RYR1: variants seen among roughly 807,000 people sequenced by gnomAD.
RYR1 encodes ryanodine receptor 1, also known as central core disease of muscle.
RYR1 carries 342 observed loss-of-function variants against 583.5 expected under a neutral mutation model. That is an observed-to-expected ratio of 0.59 (90% confidence interval 0.54 to 0.64). The LOEUF (loss-of-function observed/expected upper bound fraction) is 0.64. Among genes scored for constraint, RYR1 ranks in the 30% least tolerant of loss-of-function variants. RYR1 has a pLI of 0.00. For missense variants in RYR1, 6,032 were observed against 6,917.2 expected, an observed-to-expected ratio of 0.87 and a Z score of 4.54; for synonymous variants, 2,791 against 2,822.5, an observed-to-expected ratio of 0.99 and a Z score of 0.35.
chr19:38,501,032 C>T, intron 47 of RYR1, 42 bp downstream of exon 47: 1 of 1,599,290 alleles, frequency 6.3e-7, no homozygotes, highest in Non-Finnish European at 8.5e-7. Flanking sequence ...CCCACTTCCA[C>T]AGAGGGACAG....
At position 38,504,886 on chromosome 19, in the gene RYR1, G is replaced by A. The variant is rs867506234; in HGVS notation, c.8206G>A (p.Asp2736Asn). Residue 2736 changes from aspartate to asparagine, a missense_variant, in exon 51 of 106, where the codon GAT (aspartate) becomes AAT (asparagine). Transcript: ENST00000359596. ...CACAGTGGATGCTGAAGGCAACTTT[G>A]ATCCCCGGCCTGTGGAGACCCTCAA... ...KATVDAEGNF[D>N]PRPVETLNVI... The A allele has an allele frequency of 6.2e-7, 1 of 1,614,172 alleles. No homozygotes were observed. Among genetic ancestry groups the A allele is most frequent in the Non-Finnish European group, 8.5e-7 (1 of 1,180,024 alleles).
chr19:38,500,091 G>C lies in RYR1; in HGVS notation c.7323+75G>C. 1.0e-5 allele frequency: 13 copies of C among 1,293,716 alleles called. No individual in the cohort carries two copies. Among genetic ancestry groups the C allele is most frequent in the Non-Finnish European group, 1.3e-5 (12 of 900,390 alleles). 80.1% of individuals were successfully genotyped at this position (1,293,716 alleles called of 1,614,324 possible). ...CTTTGAACGCCTCATGCAGGCACTC[G>C]GTGACACGGAGTGAGCTCCCATATG... On this transcript the variant is annotated intron_variant, in intron 45 of 105. Coordinates refer to ENST00000359596, the MANE Select transcript of RYR1 (RefSeq NM_000540.3). The surrounding 1 kb of genome is among the most constrained non-coding windows in gnomAD (Gnocchi z 5.9).
At chr19:38,443,509 G>A (rs753278847) in intron 3 of RYR1, 49 bp from the exon 4 acceptor site, 1 of 1,553,138 alleles carries the variant, frequency 6.4e-7, no homozygotes. Flanking sequence ...TTGGGGATCT[G>A]GAGAGTCCGG....
At chr19:38,559,383 A>T (rs1168487104) in intron 89 of RYR1, among the ~76,000 whole-genome samples, 1 of 151,698 alleles carries the variant, frequency 6.6e-6, no homozygotes, top group Non-Finnish European at 1.5e-5. Flanking sequence ...ACAGGCACGC[A>T]CCATCATGCC....
chr19:38,535,482 T>C (rs903681150), intron 81 of RYR1, 90 bp downstream of exon 81: 1 of 985,924 alleles, frequency 1.0e-6, no homozygotes, highest in Non-Finnish European at 1.6e-6. Flanking sequence ...GATTCTGCTC[T>C]TTCAGTCCAG....
chr19:38,435,138 G>A (rs377340545), intron 1 of RYR1, among the ~76,000 whole-genome samples: 7 of 152,332 alleles, frequency 4.6e-5, no homozygotes, highest in African/African-American at 1.7e-4. Context: ...TGCCTCCTGA[G>A]ACATCTAATT....
chr19:38,554,355 G>A (rs868606735), intron 89 of RYR1, among the ~76,000 whole-genome samples: 2 of 142,786 alleles, frequency 1.4e-5, no homozygotes, highest in African/African-American at 5.3e-5. Context: ...GGGAGGCTGA[G>A]GCAGAGAATT....
At chr19:38,492,458 A>G in intron 37 of RYR1, 32 bp from the exon 38 acceptor site, 1 of 1,613,676 alleles carries the variant, frequency 6.2e-7, no homozygotes, top group Non-Finnish European at 8.5e-7. Flanking sequence ...AAACTAATGA[A>G]TGACATTTCC....
chr19:38,457,381 C>A, intron 16 of RYR1, 116 bp from the exon 17 acceptor site: 2 of 1,459,974 alleles, frequency 1.4e-6, no homozygotes, highest in Non-Finnish European at 9.6e-7. Context: ...GTCAAAATTG[C>A]CACATCTTAT....
intron 78 of RYR1, among the ~76,000 whole-genome samples, chr19:38,533,339 C>T (rs888396377): frequency 1.3e-5 from 2 of 152,144 alleles, no homozygotes; most frequent in Non-Finnish European, 2.9e-5. Context: ...TGTTTCTGTG[C>T]CAGAGTCCCT....
chr19:38,569,004 C>T (rs1290627357), intron 93 of RYR1, among the ~76,000 whole-genome samples: 1 of 151,644 alleles, frequency 6.6e-6, no homozygotes, highest in Non-Finnish European at 1.5e-5. Flanking sequence ...ATCCCTGTCT[C>T]TACAAAAGAA....
rs780086468 is a variant in RYR1 at position 38,523,208 on chromosome 19, C to T, written c.10348-9C>T. The T allele has an allele frequency of 6.2e-7, 1 of 1,614,122 alleles. No homozygotes were observed. Among genetic ancestry groups the T allele is most frequent in the African/African-American group, 1.3e-5 (1 of 74,948 alleles). Reference sequence around the variant, plus strand: ...CCTGTCCGGTCTGCAACACTGCTTCCCCCACCAGAACTTCAAGCGCGAGGA... The same window carrying T: ...CCTGTCCGGTCTGCAACACTGCTTCTCCCACCAGAACTTCAAGCGCGAGGA... On this transcript the variant is annotated splice_polypyrimidine_tract_variant and intron_variant, in intron 68 of 105. Coordinates refer to ENST00000359596, the MANE Select transcript of RYR1 (RefSeq NM_000540.3).
chr19:38,537,688 G>A (rs1175414432), intron 83 of RYR1, among the ~76,000 whole-genome samples, 192 bp from the exon 84 acceptor site: 1 of 152,154 alleles, frequency 6.6e-6, no homozygotes, highest in Non-Finnish European at 1.5e-5. Flanking sequence ...GATGTCATGG[G>A]CTCTGAGGTC....
In RYR1 at chr19:38,483,621, T is replaced by A; in HGVS notation, c.4934+105T>A. 1 of 1,022,580 alleles carries A rather than the reference T, an allele frequency of 9.8e-7. No homozygotes were observed. 63.3% of individuals were successfully genotyped at this position (1,022,580 alleles called of 1,614,324 possible). A position where few individuals can be genotyped will look rare whatever the true frequency, so the allele number is the denominator to read the frequency against. ...TCAACACAACCCCGGGATTCCAGAC[T>A]ACACCCCAGGAATCTCCAGACCTAC... On this transcript the variant is annotated intron_variant, in intron 33 of 105. Transcript: ENST00000359596. This position sits in a 1 kb window ranked among gnomAD's most constrained non-coding sequence, Gnocchi z 6.3.
rs1568478073 is a variant in RYR1 at position 38,480,452 on chromosome 19, CT to C, written c.4620+1857del. On this transcript the variant is annotated intron_variant, in intron 31 of 105. Transcript: ENST00000359596. Reference sequence around the variant, plus strand: ...AGCCACTGCGCCTGGCTTGTTTCATCTTTTTATATCTACTTCCCTTCCACAC... The same window carrying C: ...AGCCACTGCGCCTGGCTTGTTTCATCTTTTATATCTACTTCCCTTCCACAC... Among the ~76,000 whole-genome samples the C allele has an allele frequency of 4.6e-5, 7 of 152,196 alleles. No homozygotes were observed. The South Asian group carries it at 1.5e-3, about 32-fold the overall frequency.
chr19:38,553,515 A>G (rs1325509310), intron 89 of RYR1, among the ~76,000 whole-genome samples: 1 of 151,410 alleles, frequency 6.6e-6, no homozygotes, highest in Non-Finnish European at 1.5e-5. Context: ...CTGGATGTGG[A>G]GGTGTGCACC....
chr19:38,528,319 A>C lies in RYR1; in HGVS notation c.10838A>C (p.Tyr3613Ser). 6.2e-7 allele frequency: 1 copy of C among 1,614,070 alleles called. No individual in the cohort carries two copies. The highest frequency in any genetic ancestry group is 8.5e-7 in the Non-Finnish European group (1 of 1,179,988). Reference protein sequence around the residue: ...LYYLDQTEHPYKSKKAVWHKL... With the variant: ...LYYLDQTEHPSKSKKAVWHKL... The stretch of plus-strand genomic sequence containing the variant: ...TCCCCTCCCCAGACCGAGCACCCTT[A>C]CAAGTCTAAGAAGGCCGTGTGGCAC... The change falls in exon 74 of 106, where the codon TAC becomes TCC. Residue 3613 changes from tyrosine to serine, a missense_variant. Coordinates refer to ENST00000359596, the MANE Select transcript of RYR1 (RefSeq NM_000540.3).
At chr19:38,519,046 G>C (rs575942650) in intron 66 of RYR1, among the ~76,000 whole-genome samples, 168 bp from the exon 67 acceptor site, 61 of 152,220 alleles carry the variant, frequency 4.0e-4, no homozygotes, top group Middle Eastern at 3.4e-3. Context: ...CAGGTTAGGG[G>C]CTATGGCTGG....
At chr19:38,559,278 A>G (rs1485727100) in intron 89 of RYR1, among the ~76,000 whole-genome samples, 3 of 125,612 alleles carry the variant, frequency 2.4e-5, no homozygotes, top group Non-Finnish European at 3.2e-5. Context: ...CTTATTGCCC[A>G]GGCTAGGTGC....
Sources: allele counts gnomAD v4.1 joint callset (sites outside exome capture counted in the v4.1 genomes callset), GRCh38; gene constraint gnomAD v4.1.1; non-coding constraint Gnocchi (gnomAD v3.1); transcripts MANE v1.5; gene names NCBI Gene and HGNC (gene_info 2026-07-23, HGNC 2026-07-21).